TRPM3: variants seen among roughly 807,000 people sequenced by gnomAD.
TRPM3 encodes long transient receptor potential channel 3.
In TRPM3, 77 loss-of-function variants were observed where a neutral mutation model predicts 181.2. That is an observed-to-expected ratio of 0.42 (90% CI 0.35 to 0.51). The LOEUF is 0.51. Ranked by LOEUF, TRPM3 falls within the 20% of genes least tolerant of loss-of-function variation. The probability of loss-of-function intolerance (pLI) is 0.01; values close to 1 mark genes in which losing one functional copy is unlikely to be tolerated. For missense variants in TRPM3, 1,759 were observed against 2,196.7 expected (o/e 0.80, Z 3.98); for synonymous variants, 745 against 796.4 (o/e 0.94, Z 1.09).
At chr9:71,000,416 G>A (rs964429313) in intron 1 of TRPM3, among the ~76,000 whole-genome samples, 2 of 152,150 alleles carry the variant, frequency 1.3e-5, no homozygotes, top group African/African-American at 2.4e-5. Flanking sequence ...TCAGATCCAT[G>A]GCCAGGCCTC....
intron 1 of TRPM3, among the ~76,000 whole-genome samples, chr9:70,902,985 C>T (rs370847495): frequency 1.3e-5 from 2 of 152,032 alleles, no homozygotes; most frequent in African/African-American, 2.4e-5. Context: ...TACAAGGCAT[C>T]GTGTGTTTTG....
At position 70,625,502 on chromosome 9, in the gene TRPM3, A is replaced by T; in HGVS notation, c.1648T>A (p.Phe550Ile). The T allele has an allele frequency of 1.2e-6, 2 of 1,612,834 alleles. No individual in the cohort carries two copies. The highest frequency in any genetic ancestry group is 1.7e-6 in the Non-Finnish European group (2 of 1,179,626). ...TTCACCTTAAAATAGATCCAACCGAAACCTGGATACTCTCGCTTGGAAAGA... is the reference window on the plus strand; with the variant it reads ...TTCACCTTAAAATAGATCCAACCGATACCTGGATACTCTCGCTTGGAAAGA... Reference protein sequence around the residue: ...RDVKKREYPGFGWIYFKGNLP... With the variant: ...RDVKKREYPGIGWIYFKGNLP... The change falls in exon 13 of 26, where the codon TTC (phenylalanine) becomes ATC (isoleucine). Residue 550 changes from phenylalanine (F) to isoleucine (I), a missense_variant. Coordinates refer to ENST00000677713, the MANE Select transcript of TRPM3 (RefSeq NM_001366145.2). The surrounding 1 kb of genome is among the most constrained non-coding windows in gnomAD (Gnocchi z 4.8).
chr9:71,260,426 A>G (rs1180857073), intron 1 of TRPM3, among the ~76,000 whole-genome samples: 1 of 152,154 alleles, frequency 6.6e-6, no homozygotes, highest in African/African-American at 2.4e-5. Flanking sequence ...AAGGAAGTCA[A>G]TGGTAGCTTG....
intron 1 of TRPM3, among the ~76,000 whole-genome samples, chr9:71,340,629 C>G (rs1338610251): frequency 6.6e-6 from 1 of 152,100 alleles, no homozygotes; most frequent in Non-Finnish European, 1.5e-5. Context: ...GTCCAATAAA[C>G]CTCTTTCTTT....
At chr9:70,642,176 A>G (rs559936384) in intron 9 of TRPM3, among the ~76,000 whole-genome samples, 1 of 152,282 alleles carries the variant, frequency 6.6e-6, no homozygotes, top group East Asian at 1.9e-4. Flanking sequence ...AGGCACTTCC[A>G]TATGTCATAT....
At chr9:70,955,115 C>T (rs2097052972) in intron 1 of TRPM3, among the ~76,000 whole-genome samples, 1 of 152,146 alleles carries the variant, frequency 6.6e-6, no homozygotes, top group African/African-American at 2.4e-5. Flanking sequence ...TATAGCCCAT[C>T]CAACAGTTAT....
chr9:70,998,633 C>T (rs377020637), intron 1 of TRPM3, among the ~76,000 whole-genome samples: 6 of 152,266 alleles, frequency 3.9e-5, no homozygotes, highest in African/African-American at 1.4e-4. Flanking sequence ...TAAAAATTGT[C>T]TGTGCCCAAC....
At chr9:71,220,334 T>C (rs998524922) in intron 1 of TRPM3, among the ~76,000 whole-genome samples, 1 of 149,656 alleles carries the variant, frequency 6.7e-6, no homozygotes, top group African/African-American at 2.5e-5. Context: ...TAAATAGTAC[T>C]CTTTAATTTT....
intron 1 of TRPM3, among the ~76,000 whole-genome samples, chr9:71,239,123 A>G (rs2081526344): frequency 6.6e-6 from 1 of 152,226 alleles, no homozygotes; most frequent in Non-Finnish European, 1.5e-5. Context: ...CTGGTACCAC[A>G]AATCCAATGC....
intron 3 of TRPM3, among the ~76,000 whole-genome samples, chr9:70,860,081 T>G (rs922599751): frequency 4.6e-5 from 7 of 152,216 alleles, no homozygotes; most frequent in East Asian, 1.9e-4. Flanking sequence ...GCTGTTTCAC[T>G]ACTCTGTCTT....
At chr9:71,217,703 C>T (rs1565352350) in intron 1 of TRPM3, among the ~76,000 whole-genome samples, 2 of 152,182 alleles carry the variant, frequency 1.3e-5, no homozygotes, top group African/African-American at 4.8e-5. Context: ...TGCTCTGAGA[C>T]AGACCATTCT....
chr9:70,640,766 C>T (rs2057941675), intron 9 of TRPM3, 106 bp from the exon 10 acceptor site: 1 of 807,006 alleles, frequency 1.2e-6, no homozygotes, highest in African/African-American at 1.7e-5. Context: ...CCCCTATTCC[C>T]AAAGAGCCTG....
chr9:70,869,491 C>T (rs1202001915), intron 1 of TRPM3, among the ~76,000 whole-genome samples: 1 of 151,902 alleles, frequency 6.6e-6, no homozygotes, highest in Non-Finnish European at 1.5e-5. Flanking sequence ...AGCACACAAG[C>T]GGCATTGTTC....
At chr9:71,393,363 A>G (rs142908661) in intron 1 of TRPM3, among the ~76,000 whole-genome samples, 1 of 152,288 alleles carries the variant, frequency 6.6e-6, no homozygotes, top group African/African-American at 2.4e-5. Flanking sequence ...GTGTCCCAGA[A>G]CAGTACCTAG....
chr9:70,944,393 C>T (rs2096913194), intron 1 of TRPM3, among the ~76,000 whole-genome samples: 1 of 152,188 alleles, frequency 6.6e-6, no homozygotes, highest in African/African-American at 2.4e-5. Flanking sequence ...CCGCTTTAGA[C>T]AGCAGAGCCT....
chr9:71,343,529 G>T (rs1303110354), intron 1 of TRPM3, among the ~76,000 whole-genome samples: 2 of 152,152 alleles, frequency 1.3e-5, no homozygotes, highest in Non-Finnish European at 2.9e-5. Context: ...TGGAAGAAAG[G>T]AGATACAAAT....
At chr9:70,901,113 G>GA (rs1227887628) in intron 1 of TRPM3, among the ~76,000 whole-genome samples, 22 of 152,090 alleles carry the variant, frequency 1.4e-4, no homozygotes, top group African/African-American at 5.3e-4. Context: ...AAAGTGACAT[G>GA]AAAAAAGAAA....
At chr9:71,003,530 T>TG (rs773020286) in intron 1 of TRPM3, among the ~76,000 whole-genome samples, 3 of 151,978 alleles carry the variant, frequency 2.0e-5, no homozygotes, top group Non-Finnish European at 4.4e-5. Flanking sequence ...CTCCACAAGG[T>TG]GGAACCACTG....
At chr9:70,620,461 ATC>A in intron 15 of TRPM3, 96 bp from the exon 16 acceptor site, 2 of 1,372,622 alleles carry the variant, frequency 1.5e-6, no homozygotes, top group Non-Finnish European at 2.0e-6. Context: ...TAGCTCTGGG[ATC>A]AATACTGAAA....
Sources: gnomAD v4.1 joint callset for allele counts (sites outside exome capture counted in the v4.1 genomes callset) on GRCh38, gnomAD v4.1.1 for gene constraint, Gnocchi (gnomAD v3.1) non-coding constraint, MANE v1.5 for transcripts, NCBI Gene and HGNC (gene_info 2026-07-23, HGNC 2026-07-21) for gene names.